RALGAPA1: variants seen among roughly 807,000 people sequenced by gnomAD.
RALGAPA1 encodes the protein Ral GTPase activating protein catalytic subunit alpha 1, also known as ral GTPase-activating protein subunit alpha-1.
Under a neutral mutation model 269.6 loss-of-function variants are expected in RALGAPA1, and 52 were observed. That is an observed-to-expected ratio of 0.19 (90% CI 0.15 to 0.24). The LOEUF (loss-of-function observed/expected upper bound fraction) is 0.24. RALGAPA1 is among the 10% of genes least tolerant of loss of function. The pLI is 1.00. For missense variants in RALGAPA1, 1,917 were observed against 3,013.9 expected, an observed-to-expected ratio of 0.64 and a Z score of 8.52; for synonymous variants, 817 against 1,008.3, an observed-to-expected ratio of 0.81 and a Z score of 3.60.
intron 1 of RALGAPA1, 42 bp from the exon 2 acceptor site, chr14:35,775,787 T>A (rs1435001438): frequency 1.4e-6 from 2 of 1,459,574 alleles, no homozygotes; most frequent in Non-Finnish European, 1.8e-6. Context: ...ACATGTATGT[T>A]AAATCAAGTT....
intron 38 of RALGAPA1, among the ~76,000 whole-genome samples, chr14:35,571,377 AT>A (rs71445945): frequency 2.5e-3 from 339 of 133,938 alleles, no homozygotes; most frequent in Non-Finnish European, 3.9e-3. Context: ...ATATTCTTCA[AT>A]TTTTTTTTTT....
chr14:35,768,415 T>A (rs1248643193), intron 4 of RALGAPA1, among the ~76,000 whole-genome samples: 1 of 152,066 alleles, frequency 6.6e-6, no homozygotes, highest in Non-Finnish European at 1.5e-5. Context: ...AGAGGTTGAG[T>A]ATGATGGCTC....
Position 35,673,126 on chromosome 14 carries a change from C to T in RALGAPA1, c.4918-104G>A, listed in dbSNP as rs952040199. The stretch of plus-strand genomic sequence containing the variant: ...CGATGTATATAATCTCATTTATTTC[C>T]ATGTTGGCCCAATTTCTTTAATGAA... On this transcript the variant is annotated intron_variant, in intron 24 of 41. Transcript: ENST00000680220. 8 of 1,173,506 alleles carry T rather than the reference C, an allele frequency of 6.8e-6. No individual in the cohort carries two copies. The African/African-American group carries it at 1.3e-4, about 19-fold the overall frequency. The allele number at this position is 1,173,506 out of a possible 1,614,324, so 72.7% of individuals were successfully genotyped here.
At chr14:35,781,807 C>A (rs2075454182) in intron 1 of RALGAPA1, among the ~76,000 whole-genome samples, 1 of 152,028 alleles carries the variant, frequency 6.6e-6, no homozygotes, top group East Asian at 1.9e-4. Flanking sequence ...ACTCAAAAAG[C>A]TAGGAAAAGA....
intron 36 of RALGAPA1, among the ~76,000 whole-genome samples, chr14:35,601,964 C>A (rs1020394026): frequency 8.6e-5 from 13 of 152,044 alleles, no homozygotes; most frequent in African/African-American, 2.9e-4. Context: ...TTAGTTGTCA[C>A]CCCCCTCCTC....
chr14:35,716,033 T>G, intron 16 of RALGAPA1: 3 of 984,950 alleles, frequency 3.0e-6, no homozygotes, highest in Non-Finnish European at 3.6e-6. Context: ...ATACGAGTCA[T>G]GTAATGACTT....
intron 36 of RALGAPA1, among the ~76,000 whole-genome samples, chr14:35,605,364 C>T (rs1400740886): frequency 2.0e-5 from 3 of 152,108 alleles, no homozygotes; most frequent in Non-Finnish European, 4.4e-5. Flanking sequence ...GAGTTTAGTA[C>T]TCTTTCACAA....
At chr14:35,624,643 G>T (rs1478297493) in intron 35 of RALGAPA1, among the ~76,000 whole-genome samples, 1 of 152,056 alleles carries the variant, frequency 6.6e-6, no homozygotes, top group Non-Finnish European at 1.5e-5. Context: ...AGAAACGATG[G>T]CTCAATACAG....
chr14:35,572,792 A>G, intron 37 of RALGAPA1, 74 bp from the exon 38 acceptor site: 1 of 1,046,364 alleles, frequency 9.6e-7, no homozygotes, highest in Non-Finnish European at 1.3e-6. Flanking sequence ...CATACAACAT[A>G]AAAAGGGGAA....
At position 35,678,038 on chromosome 14, in the gene RALGAPA1, A is replaced by G. The variant is rs763619767; in HGVS notation, c.4536T>C (p.Ser1512=). 2 of 1,612,468 alleles carry G rather than the reference A, an allele frequency of 1.2e-6. No homozygotes were observed. Among genetic ancestry groups the G allele is most frequent in the South Asian group, 1.1e-5 (1 of 90,682 alleles). ...GTTCCATGTGATCTATATTCAATGTAGAAGGGGAAGGAGTCTGTGACCTGG... is the reference window on the plus strand; with the variant it reads ...GTTCCATGTGATCTATATTCAATGTGGAAGGGGAAGGAGTCTGTGACCTGG... The part of the protein sequence containing the change: ...LGSRSQTPSP[S]TLNIDHMEQK... The change falls in exon 22 of 42, where the codon TCT becomes TCC. Residue 1512 remains serine (S), a synonymous_variant. Coordinates refer to ENST00000680220, the MANE Select transcript of RALGAPA1 (RefSeq NM_001346249.2).
chr14:35,747,786 T>C (rs111788171), intron 10 of RALGAPA1, among the ~76,000 whole-genome samples: 37 of 152,320 alleles, frequency 2.4e-4, no homozygotes, highest in African/African-American at 8.4e-4. Context: ...CAAGAGCAAA[T>C]AGTAGTTTTC....
intron 35 of RALGAPA1, 37 bp downstream of exon 35, chr14:35,625,324 G>C (rs768019342): frequency 7.6e-7 from 1 of 1,323,582 alleles, no homozygotes; most frequent in Non-Finnish European, 1.1e-6. Context: ...AAATACCTGA[G>C]AGTTGCTAGT....
chr14:35,637,433 G>A (rs576146900), intron 31 of RALGAPA1, among the ~76,000 whole-genome samples: 44 of 152,290 alleles, frequency 2.9e-4, no homozygotes, highest in Non-Finnish European at 5.6e-4. Flanking sequence ...GTGTACTGAA[G>A]AATGCATCAG....
At chr14:35,647,413 A>G (rs1460448301) in intron 31 of RALGAPA1, among the ~76,000 whole-genome samples, 1 of 152,242 alleles carries the variant, frequency 6.6e-6, no homozygotes, top group Non-Finnish European at 1.5e-5. Flanking sequence ...TGAATATCAT[A>G]CATGAGAAAT....
In RALGAPA1 at chr14:35,570,581, G is replaced by A. The variant is rs760629251; in HGVS notation, c.7496+36C>T. 12 of 1,537,912 alleles carry A rather than the reference G, an allele frequency of 7.8e-6. No individual in the cohort carries two copies. The African/African-American group carries it at 8.4e-5, about 11-fold the overall frequency. On this transcript the variant is annotated intron_variant, in intron 39 of 41. Transcript: ENST00000680220. ...TATTTACCTTTGTGAGTAGACATAC[G>A]TTAGAGTAGAAACCATTACATTAAA...
intron 3 of RALGAPA1, 142 bp downstream of exon 3, chr14:35,774,864 T>C: frequency 1.6e-6 from 1 of 644,506 alleles, no homozygotes; most frequent in South Asian, 1.9e-5. Context: ...GTCAGGCATA[T>C]TTAAAAAATT....
At chr14:35,659,270 G>A in intron 27 of RALGAPA1, 74 bp from the exon 28 acceptor site, 2 of 1,102,048 alleles carry the variant, frequency 1.8e-6, no homozygotes, top group Non-Finnish European at 2.7e-6. Flanking sequence ...TTTATTAAGT[G>A]GTTATTAAAG....
chr14:35,559,449 A>T (rs1465363015), intron 39 of RALGAPA1, among the ~76,000 whole-genome samples: 1 of 152,178 alleles, frequency 6.6e-6, no homozygotes, highest in African/African-American at 2.4e-5. Context: ...ATGTGAGTGG[A>T]GCAGTGCACA....
intron 39 of RALGAPA1, among the ~76,000 whole-genome samples, chr14:35,563,266 G>C (rs187470006): frequency 1.7e-3 from 262 of 152,212 alleles, no homozygotes; most frequent in African/African-American, 5.5e-3. Context: ...ACATAGTAAA[G>C]GAGGTTTTTT....
Sources: gnomAD v4.1 joint callset for allele counts (sites outside exome capture counted in the v4.1 genomes callset) on GRCh38, gnomAD v4.1.1 for gene constraint, MANE v1.5 for transcripts, NCBI Gene and HGNC (gene_info 2026-07-23, HGNC 2026-07-21) for gene names.